GLYATL2: variants seen among roughly 807,000 people sequenced by gnomAD.
GLYATL2 encodes the protein glycine N-acyltransferase-like protein 2.
Under a neutral mutation model 21.4 loss-of-function variants are expected in GLYATL2, and 25 were observed. The observed-to-expected ratio is 1.17, with a 90% CI of 0.85 to 1.63. The LOEUF (loss-of-function observed/expected upper bound fraction) is 1.63. Among genes scored for constraint, GLYATL2 ranks in the 40% most tolerant of loss-of-function variants. The pLI, the probability that GLYATL2 is intolerant of heterozygous loss-of-function variation, is 0.00. For synonymous variants in GLYATL2, 114 were observed against 118.2 expected, an observed-to-expected ratio of 0.96 and a Z score of 0.23; for missense variants, 361 against 343.3, an observed-to-expected ratio of 1.05 and a Z score of -0.41.
intron 1 of GLYATL2, among the ~76,000 whole-genome samples, chr11:58,841,898 T>C (rs1393110382): frequency 1.3e-5 from 2 of 152,070 alleles, no homozygotes; most frequent in African/African-American, 4.8e-5. Context: ...GTAAGAGATG[T>C]GGAATGAAAC....
chr11:58,872,877 G>A (rs149461316), intron 1 of GLYATL2, among the ~76,000 whole-genome samples: 2,641 of 152,326 alleles, frequency 0.017, 37 homozygotes, highest in South Asian at 0.069. Context: ...ACCTTGGGCA[G>A]TACGGCCATT....
At chr11:58,863,563 CAGCCTGA>C (rs1350013269) in intron 1 of GLYATL2, among the ~76,000 whole-genome samples, 1 of 152,170 alleles carries the variant, frequency 6.6e-6, no homozygotes, top group Non-Finnish European at 1.5e-5. Flanking sequence ...TCACAAAAAC[CAGCCTGA>C]AGCCTGAAGC....
At chr11:58,897,974 T>G (rs1342205150) in intron 1 of GLYATL2, among the ~76,000 whole-genome samples, 1 of 152,228 alleles carries the variant, frequency 6.6e-6, no homozygotes, top group Non-Finnish European at 1.5e-5. Context: ...CAAGAGATAC[T>G]GCTTTTTAAA....
At chr11:58,868,375 G>C (rs1854056550) in intron 1 of GLYATL2, among the ~76,000 whole-genome samples, 1 of 148,622 alleles carries the variant, frequency 6.7e-6, no homozygotes, top group East Asian at 2.3e-4. Flanking sequence ...GGGACACCAG[G>C]CATCTCATAA....
At chr11:58,881,018 A>T (rs1854323554) in intron 1 of GLYATL2, among the ~76,000 whole-genome samples, 1 of 152,178 alleles carries the variant, frequency 6.6e-6, no homozygotes, top group Admixed American at 6.5e-5. Flanking sequence ...CTCTTACATT[A>T]ACTAAGTTTG....
chr11:58,850,488 A>G (rs1318423025), intron 1 of GLYATL2, among the ~76,000 whole-genome samples: 2 of 152,168 alleles, frequency 1.3e-5, no homozygotes, highest in Non-Finnish European at 1.5e-5. Flanking sequence ...TTCCAATATT[A>G]TAATAATCTT....
chr11:58,848,949 C>G (rs1460822163), upstream of GLYATL2, among the ~76,000 whole-genome samples: 1 of 151,962 alleles, frequency 6.6e-6, no homozygotes, highest in Admixed American at 6.6e-5. Context: ...ATAAAAGCAG[C>G]AAGAGAAAAG....
chr11:58,863,469 G>A (rs530635876), intron 1 of GLYATL2, among the ~76,000 whole-genome samples: 3 of 152,304 alleles, frequency 2.0e-5, no homozygotes, highest in South Asian at 2.1e-4. Flanking sequence ...ATGATGGCCA[G>A]CCTAGCATCA....
At chr11:58,842,413 G>A (rs964508138) in intron 1 of GLYATL2, among the ~76,000 whole-genome samples, 6 of 151,802 alleles carry the variant, frequency 4.0e-5, no homozygotes, top group Non-Finnish European at 8.8e-5. Flanking sequence ...TGTGCAGTTT[G>A]CCTGTTCTCC....
At chr11:58,905,389 C>A (rs1854839088), upstream of GLYATL2, 4 of 444,008 alleles carry the variant, frequency 9.0e-6, no homozygotes, top group Admixed American at 7.1e-5. Context: ...CGCTGGATCC[C>A]GCCTGGATGC....
chr11:58,884,634 C>G (rs1304858213), intron 1 of GLYATL2, among the ~76,000 whole-genome samples: 1 of 152,176 alleles, frequency 6.6e-6, no homozygotes, highest in Non-Finnish European at 1.5e-5. Flanking sequence ...GGGAACCTCA[C>G]AGAACTCTTA....
chr11:58,895,053 T>C (rs11229681), intron 1 of GLYATL2, among the ~76,000 whole-genome samples: 3,874 of 152,258 alleles, frequency 0.025, 116 homozygotes, highest in East Asian at 0.15. Context: ...CAGAAGAGGA[T>C]GTTCATCCAG....
Position 58,839,606 on chromosome 11 carries a change from C to T in GLYATL2, c.7G>A (p.Val3Met). 2 of 1,610,402 alleles carry T rather than the reference C, an allele frequency of 1.2e-6. No individual in the cohort carries two copies. Among genetic ancestry groups the T allele is most frequent in the Non-Finnish European group, 1.7e-6 (2 of 1,177,574 alleles). Residue 3 changes from valine (V) to methionine (M), a missense_variant, in exon 2 of 6, where the codon GTG becomes ATG. Transcript: ENST00000287275. Reference protein sequence around the residue: MLVLHNSQKLQIL... With the variant: MLMLHNSQKLQIL... ...TGCAGCTTCTGAGAGTTATGAAGCA[C>T]AAGCATCTTATGTAGCACTTCAGCT...
intron 5 of GLYATL2, 66 bp from the exon 6 acceptor site, chr11:58,834,903 A>T (rs1853401300): frequency 8.2e-7 from 1 of 1,220,394 alleles, no homozygotes; most frequent in African/African-American, 1.5e-5. Context: ...TTCAAAAAAT[A>T]AATATAACAC....
intron 1 of GLYATL2, among the ~76,000 whole-genome samples, chr11:58,883,195 T>C (rs1358139248): frequency 1.3e-5 from 2 of 152,244 alleles, no homozygotes; most frequent in African/African-American, 2.4e-5. Flanking sequence ...GAGCATGGAA[T>C]GTTCTTCCAT....
intron 3 of GLYATL2, among the ~76,000 whole-genome samples, chr11:58,838,004 T>C (rs918021762): frequency 5.9e-5 from 9 of 152,210 alleles, no homozygotes; most frequent in Non-Finnish European, 1.3e-4. Flanking sequence ...TGTATTCCTA[T>C]GATCAGAATC....
At chr11:58,871,275 A>T (rs1854113579) in intron 1 of GLYATL2, among the ~76,000 whole-genome samples, 1 of 147,978 alleles carries the variant, frequency 6.8e-6, no homozygotes, top group Admixed American at 6.7e-5. Flanking sequence ...ATTTTATTTT[A>T]TTTATTTATT....
At chr11:58,852,648 G>T (rs1328672486) in intron 1 of GLYATL2, among the ~76,000 whole-genome samples, 1 of 152,200 alleles carries the variant, frequency 6.6e-6, no homozygotes, top group Non-Finnish European at 1.5e-5. Context: ...CAGAACCTTT[G>T]CCAAGAGCTC....
chr11:58,845,686 AT>A (rs1853629997), upstream of GLYATL2, among the ~76,000 whole-genome samples: 1 of 152,196 alleles, frequency 6.6e-6, no homozygotes, highest in Admixed American at 6.5e-5. Context: ...AGCAAGAGTT[AT>A]TTTTACACAA....
Sources: allele counts gnomAD v4.1 joint callset (sites outside exome capture counted in the v4.1 genomes callset), GRCh38; gene constraint gnomAD v4.1.1; transcripts MANE v1.5; gene names NCBI Gene and HGNC (gene_info 2026-07-23, HGNC 2026-07-21).